The following GRID2 variants were observed in gnomAD, a reference collection of about 807,000 sequenced individuals.
The protein encoded by GRID2 is glutamate receptor ionotropic, delta-2.
In GRID2, 33 loss-of-function variants were observed where a neutral mutation model predicts 114.8. The ratio of observed to expected loss-of-function variants is 0.29; its 90% CI spans 0.22 to 0.38. The LOEUF (loss-of-function observed/expected upper bound fraction) is 0.38. Ranked by LOEUF, GRID2 falls within the 10% of genes least tolerant of loss-of-function variation. The pLI, the probability that GRID2 is intolerant of heterozygous loss-of-function variation, is 1.00. For missense variants in GRID2, 1,184 were observed against 1,257.7 expected, an observed-to-expected ratio of 0.94 and a Z score of 0.89; for synonymous variants, 505 against 449.9, an observed-to-expected ratio of 1.12 and a Z score of -1.55.
At chr4:92,918,593 C>T (rs181567532) in intron 2 of GRID2, among the ~76,000 whole-genome samples, 30 of 152,264 alleles carry the variant, frequency 2.0e-4, no homozygotes, top group Admixed American at 1.6e-3. Context: ...GGCCTTTCTG[C>T]ATCTATTGAG....
chr4:92,679,409 C>T (rs1237604111), intron 2 of GRID2, among the ~76,000 whole-genome samples: 7 of 152,050 alleles, frequency 4.6e-5, no homozygotes, highest in Admixed American at 3.3e-4. Context: ...GCATACAGAA[C>T]CATTACCCTC....
intron 14 of GRID2, among the ~76,000 whole-genome samples, chr4:93,666,395 C>T (rs892271235): frequency 5.3e-5 from 8 of 151,820 alleles, no homozygotes; most frequent in South Asian, 2.1e-4. Context: ...ATAAATGCTA[C>T]GGTAGTGATA....
intron 2 of GRID2, among the ~76,000 whole-genome samples, chr4:92,720,953 T>A (rs1196878296): frequency 6.6e-6 from 1 of 152,128 alleles, no homozygotes; most frequent in Non-Finnish European, 1.5e-5. Flanking sequence ...ATAAATATAA[T>A]GGAATATTCT....
chr4:92,450,371 G>A (rs906864295), intron 1 of GRID2, among the ~76,000 whole-genome samples: 1 of 151,940 alleles, frequency 6.6e-6, no homozygotes, highest in Admixed American at 6.6e-5. Context: ...AAAAGAAGTA[G>A]AAATCAAATG....
At chr4:92,733,928 A>G (rs2149326309) in intron 2 of GRID2, among the ~76,000 whole-genome samples, 1 of 152,154 alleles carries the variant, frequency 6.6e-6, no homozygotes, top group African/African-American at 2.4e-5. Flanking sequence ...GGGAGCCCAG[A>G]GGGGGATCAA....
chr4:92,601,883 C>A (rs1397182709), intron 2 of GRID2, among the ~76,000 whole-genome samples: 1 of 152,022 alleles, frequency 6.6e-6, no homozygotes, highest in Non-Finnish European at 1.5e-5. Context: ...ACTATAAACA[C>A]CTCTATGCAA....
At chr4:93,273,469 C>A (rs202102321) in intron 8 of GRID2, among the ~76,000 whole-genome samples, 1 of 71,186 alleles carries the variant, frequency 1.4e-5, no homozygotes. Flanking sequence ...ATCCCCCCCC[C>A]CAAAAAATAT....
At chr4:92,858,385 T>C (rs1744309922) in intron 2 of GRID2, among the ~76,000 whole-genome samples, 1 of 152,106 alleles carries the variant, frequency 6.6e-6, no homozygotes. Context: ...TGAACAGAAA[T>C]TTGGAAGTTG....
intron 2 of GRID2, among the ~76,000 whole-genome samples, chr4:92,845,546 A>T (rs951957225): frequency 3.3e-5 from 5 of 152,016 alleles, no homozygotes; most frequent in East Asian, 1.9e-4. Context: ...TAAAAATTTT[A>T]AAAAAACATA....
intron 14 of GRID2, among the ~76,000 whole-genome samples, chr4:93,749,521 A>G (rs1242869086): frequency 1.3e-5 from 2 of 152,170 alleles, no homozygotes; most frequent in Non-Finnish European, 2.9e-5. Context: ...GGAGGGAGAA[A>G]GTGGCATTGA....
chr4:92,509,964 A>G (rs1187770878), intron 1 of GRID2, among the ~76,000 whole-genome samples: 1 of 151,876 alleles, frequency 6.6e-6, no homozygotes, highest in African/African-American at 2.4e-5. Context: ...AAAAATGGGA[A>G]GACAACTAGA....
At chr4:93,568,633 A>T (rs1209924790) in intron 13 of GRID2, among the ~76,000 whole-genome samples, 1 of 152,160 alleles carries the variant, frequency 6.6e-6, no homozygotes, top group Non-Finnish European at 1.5e-5. Flanking sequence ...CAACATCATA[A>T]CCATCATTGT....
At chr4:93,094,150 A>G (rs1454519412) in intron 3 of GRID2, among the ~76,000 whole-genome samples, 1 of 152,038 alleles carries the variant, frequency 6.6e-6, no homozygotes, top group Non-Finnish European at 1.5e-5. Flanking sequence ...CACTTGCTTC[A>G]GGAAAAAAAG....
intron 14 of GRID2, among the ~76,000 whole-genome samples, chr4:93,683,702 C>G (rs927627720): frequency 2.6e-5 from 4 of 152,004 alleles, no homozygotes; most frequent in Non-Finnish European, 4.4e-5. Flanking sequence ...ATTAAATATG[C>G]CAAGATACAT....
chr4:93,586,466 C>T (rs905558869), intron 13 of GRID2, among the ~76,000 whole-genome samples: 1 of 152,112 alleles, frequency 6.6e-6, no homozygotes, highest in Non-Finnish European at 1.5e-5. Flanking sequence ...ATAGCTTGCC[C>T]TAGCTTTCAG....
chr4:93,741,056 T>G (rs1731320271), intron 14 of GRID2, among the ~76,000 whole-genome samples: 1 of 150,620 alleles, frequency 6.6e-6, no homozygotes, highest in Non-Finnish European at 1.5e-5. Flanking sequence ...TACTTCTATA[T>G]ATTAAGGCTG....
intron 2 of GRID2, among the ~76,000 whole-genome samples, chr4:92,673,481 G>T (rs574371173): frequency 6.6e-6 from 1 of 152,132 alleles, no homozygotes; most frequent in Non-Finnish European, 1.5e-5. Flanking sequence ...CCTTCATGAA[G>T]ATCTGTGTTT....
intron 4 of GRID2, chr4:93,164,861 T>G (rs1471723395): frequency 1.3e-5 from 4 of 302,586 alleles, no homozygotes. Flanking sequence ...CTCTAATTCA[T>G]GCGTACCTCT....
intron 2 of GRID2, among the ~76,000 whole-genome samples, chr4:93,023,675 A>G (rs1318677728): frequency 6.6e-6 from 1 of 151,926 alleles, no homozygotes; most frequent in Non-Finnish European, 1.5e-5. Flanking sequence ...TATATATCAC[A>G]TATAACCTCA....
Sources: gnomAD v4.1 joint callset for allele counts (sites outside exome capture counted in the v4.1 genomes callset) on GRCh38, gnomAD v4.1.1 for gene constraint, MANE v1.5 for transcripts, NCBI Gene and HGNC (gene_info 2026-07-23, HGNC 2026-07-21) for gene names.